CDH13: variants seen among roughly 807,000 people sequenced by gnomAD.
CDH13 encodes cadherin-13.
In CDH13, 24 loss-of-function variants were observed where a neutral mutation model predicts 63.8. The observed-to-expected ratio is 0.38, with a 90% CI of 0.27 to 0.53. CDH13 has a LOEUF of 0.53. Among genes scored for constraint, CDH13 ranks in the 20% least tolerant of loss-of-function variants. The probability of loss-of-function intolerance (pLI) is 0.85; values close to 1 mark genes in which losing one functional copy is unlikely to be tolerated. For synonymous variants in CDH13, 503 were observed against 355.3 expected (o/e 1.42, Z -4.67); for missense variants, 1,049 against 903.1 (o/e 1.16, Z -2.07).
chr16:83,560,252 C>T (rs1443580695), intron 7 of CDH13, among the ~76,000 whole-genome samples: 2 of 152,206 alleles, frequency 1.3e-5, no homozygotes, highest in Non-Finnish European at 2.9e-5. Context: ...TTCTCTCTTA[C>T]TTTTATCCAT....
intron 1 of CDH13, among the ~76,000 whole-genome samples, chr16:82,846,588 G>A (rs1381501): frequency 0.013 from 1,926 of 152,160 alleles, 37 homozygotes; most frequent in African/African-American, 0.043. Context: ...TTGAGATTTC[G>A]ACCCAGTTAG....
At chr16:83,453,867 C>T (rs1024138904) in intron 6 of CDH13, among the ~76,000 whole-genome samples, 1 of 152,230 alleles carries the variant, frequency 6.6e-6, no homozygotes, top group African/African-American at 2.4e-5. Context: ...GATAATGACC[C>T]TGCCTTTGTA....
At position 82,947,292 on chromosome 16, in the gene CDH13, A is replaced by G. The variant is rs369257764; in HGVS notation, c.158-84718A>G. 9.9e-5 allele frequency among the ~76,000 whole-genome samples: 15 copies of G among 152,200 alleles called. No homozygotes were observed. In the South Asian group the frequency reaches 2.3e-3, roughly 23 times the overall value. On this transcript the variant is annotated intron_variant, in intron 2 of 13. Transcript: ENST00000567109. ...CCTATTTTCTGTGTTTATTCTGTCT[A>G]TCTACTTATTTCTTACACAAGAGTG... is the stretch of plus-strand genomic sequence containing the variant.
At chr16:83,748,531 C>T (rs1019954366) in intron 11 of CDH13, among the ~76,000 whole-genome samples, 3 of 152,266 alleles carry the variant, frequency 2.0e-5, no homozygotes, top group Non-Finnish European at 2.9e-5. Context: ...TAGAAAGCCA[C>T]GCTGATGTGC....
chr16:83,733,353 C>T (rs894812528), intron 10 of CDH13, among the ~76,000 whole-genome samples: 1 of 152,192 alleles, frequency 6.6e-6, no homozygotes, highest in Non-Finnish European at 1.5e-5. Context: ...ATGCTTCTGT[C>T]TCCCAGGGAC....
chr16:83,173,075 A>G (rs931636028), intron 4 of CDH13, among the ~76,000 whole-genome samples: 1 of 152,096 alleles, frequency 6.6e-6, no homozygotes, highest in African/African-American at 2.4e-5. Flanking sequence ...TTAAACTAAT[A>G]TTCACAAAGC....
intron 10 of CDH13, among the ~76,000 whole-genome samples, chr16:83,696,709 ATCTCCGCAGT>A (rs1327773400): frequency 6.6e-6 from 1 of 152,208 alleles, no homozygotes; most frequent in Non-Finnish European, 1.5e-5. Context: ...TATATCTAGA[ATCTCCGCAGT>A]TCTTGCAACT....
At chr16:83,210,857 A>T (rs1034843184) in intron 4 of CDH13, among the ~76,000 whole-genome samples, 7 of 151,264 alleles carry the variant, frequency 4.6e-5, no homozygotes, top group Non-Finnish European at 1.0e-4. Flanking sequence ...AAAAAAAAAA[A>T]GGTTACTAGA....
At chr16:82,657,636 T>C (rs1911450913) in intron 1 of CDH13, among the ~76,000 whole-genome samples, 1 of 152,248 alleles carries the variant, frequency 6.6e-6, no homozygotes, top group African/African-American at 2.4e-5. Flanking sequence ...TTTGTACATT[T>C]CATGTACACA....
At chr16:83,126,279 T>A (rs932477327) in intron 4 of CDH13, among the ~76,000 whole-genome samples, 1 of 152,178 alleles carries the variant, frequency 6.6e-6, no homozygotes, top group Admixed American at 6.5e-5. Context: ...AAGGGGTTTT[T>A]ATCCCTCACG....
At chr16:83,059,795 T>TTG (rs1372319884) in intron 3 of CDH13, among the ~76,000 whole-genome samples, 122 of 77,368 alleles carry the variant, frequency 1.6e-3, no homozygotes, top group African/African-American at 4.7e-3. Flanking sequence ...TTTTGTTTGT[T>TTG]TTTTTTTTTT....
At chr16:82,672,106 C>A (rs962461676) in intron 1 of CDH13, among the ~76,000 whole-genome samples, 2 of 152,168 alleles carry the variant, frequency 1.3e-5, no homozygotes, top group Non-Finnish European at 2.9e-5. Context: ...TGAAGCTGGG[C>A]CGATTGGATT....
intron 1 of CDH13, among the ~76,000 whole-genome samples, chr16:82,691,302 C>G (rs987263923): frequency 6.6e-6 from 1 of 152,216 alleles, no homozygotes; most frequent in African/African-American, 2.4e-5. Context: ...CTGCCAGCAT[C>G]TTCCTGCTTT....
chr16:82,946,176 A>G (rs1028054819), intron 2 of CDH13, among the ~76,000 whole-genome samples: 1 of 151,612 alleles, frequency 6.6e-6, no homozygotes, highest in African/African-American at 2.4e-5. Flanking sequence ...TGTTGATTAA[A>G]TTAATGACTA....
intron 1 of CDH13, among the ~76,000 whole-genome samples, chr16:82,713,581 T>G (rs1285559710): frequency 1.3e-5 from 2 of 152,034 alleles, no homozygotes; most frequent in African/African-American, 4.8e-5. Context: ...TGCAGAAAGA[T>G]AAAAAGATGA....
intron 7 of CDH13, among the ~76,000 whole-genome samples, chr16:83,495,543 G>C (rs1275497335): frequency 6.6e-6 from 1 of 152,194 alleles, no homozygotes; most frequent in African/African-American, 2.4e-5. Context: ...AAAAAGGCAT[G>C]AGAAGGGGAA....
At chr16:83,779,365 C>G (rs567680786) in intron 11 of CDH13, among the ~76,000 whole-genome samples, 1 of 125,520 alleles carries the variant, frequency 8.0e-6, no homozygotes, top group East Asian at 2.7e-4. Context: ...CGAGATTGCG[C>G]CATTGCACTC....
At chr16:83,385,626 A>T (rs980508395) in intron 6 of CDH13, among the ~76,000 whole-genome samples, 4 of 152,184 alleles carry the variant, frequency 2.6e-5, no homozygotes, top group African/African-American at 9.7e-5. Flanking sequence ...GGGAAAAGGG[A>T]TTGAGGTGAC....
At chr16:83,042,912 T>C (rs1322509447) in intron 3 of CDH13, among the ~76,000 whole-genome samples, 1 of 152,222 alleles carries the variant, frequency 6.6e-6, no homozygotes, top group Non-Finnish European at 1.5e-5. Flanking sequence ...ACACTTAATA[T>C]GCCCTGATTT....
Sources: allele counts gnomAD v4.1 joint callset (sites outside exome capture counted in the v4.1 genomes callset), GRCh38; gene constraint gnomAD v4.1.1; transcripts MANE v1.5; gene names NCBI Gene and HGNC (gene_info 2026-07-23, HGNC 2026-07-21).